Variants in PCCA observed in about 807,000 individuals in gnomAD.
PCCA encodes the protein propionyl-CoA carboxylase alpha chain, mitochondrial.
A neutral mutation model predicts 101.3 loss-of-function variants in PCCA; 74 were observed. The observed-to-expected ratio is 0.73, with a 90% CI of 0.61 to 0.89. The LOEUF (loss-of-function observed/expected upper bound fraction) is 0.89. PCCA is among the 40% of genes least tolerant of loss of function. PCCA has a pLI of 0.00. For synonymous variants in PCCA, 294 were observed against 313.6 expected, an observed-to-expected ratio of 0.94 and a Z score of 0.66; for missense variants, 891 against 907.0, an observed-to-expected ratio of 0.98 and a Z score of 0.23.
intron 12 of PCCA, among the ~76,000 whole-genome samples, chr13:100,297,846 A>G (rs552448934): frequency 1.3e-5 from 2 of 152,316 alleles, no homozygotes; most frequent in South Asian, 4.1e-4. Context: ...AGCTAGGGAT[A>G]TAACCAATAC....
At chr13:100,347,162 A>T (rs1290122478) in intron 18 of PCCA, among the ~76,000 whole-genome samples, 2 of 152,240 alleles carry the variant, frequency 1.3e-5, no homozygotes, top group Non-Finnish European at 2.9e-5. Context: ...GGTGTTAGCC[A>T]CCACGCCAGC....
intron 22 of PCCA, among the ~76,000 whole-genome samples, chr13:100,524,436 A>G (rs1594140331): frequency 1.3e-5 from 2 of 148,196 alleles, no homozygotes; most frequent in Admixed American, 6.8e-5. Flanking sequence ...GTTTCTGTTG[A>G]GCAAGATGTA....
At chr13:100,366,037 G>GGTT in intron 18 of PCCA, among the ~76,000 whole-genome samples, 2 of 152,172 alleles carry the variant, frequency 1.3e-5, no homozygotes, top group Non-Finnish European at 2.9e-5. Context: ...TTAAGGCATT[G>GGTT]AATGGTAGTT....
chr13:100,363,490 C>T (rs771623912), intron 18 of PCCA, among the ~76,000 whole-genome samples: 4 of 152,112 alleles, frequency 2.6e-5, no homozygotes, highest in Admixed American at 6.5e-5. Context: ...ATCTTTTCAC[C>T]GTGCTGGAAA....
chr13:100,139,156 G>C (rs1361326152), intron 4 of PCCA, among the ~76,000 whole-genome samples: 6 of 151,470 alleles, frequency 4.0e-5, no homozygotes, highest in African/African-American at 1.5e-4. Context: ...GTTTTTCTTT[G>C]TTTACTTTCA....
intron 18 of PCCA, among the ~76,000 whole-genome samples, chr13:100,348,971 C>T (rs1286975034): frequency 4.1e-5 from 3 of 72,620 alleles, no homozygotes; most frequent in East Asian, 6.4e-4. Flanking sequence ...TTTCCTCAGT[C>T]TTGCTCTCTC....
chr13:100,376,629 A>G (rs2075919259), intron 19 of PCCA, among the ~76,000 whole-genome samples: 1 of 152,158 alleles, frequency 6.6e-6, no homozygotes, highest in Admixed American at 6.5e-5. Context: ...TCTGAGGGGA[A>G]AACCACCTAC....
rs912110370 is a variant in PCCA, at chr13:100,150,503, A to AG, written c.301-4475dup. 3.0e-5 allele frequency: 39 copies of AG among 1,312,802 alleles called. No individual in the cohort carries two copies. In the South Asian group the frequency reaches 3.4e-4, roughly 11 times the overall value. The allele number at this position is 1,312,802 out of a possible 1,614,324, so 81.3% of individuals were successfully genotyped here. A position where few individuals can be genotyped will look rare whatever the true frequency, so the allele number is the denominator to read the frequency against. On this transcript the variant is annotated intron_variant, in intron 4 of 23. Coordinates refer to ENST00000376285, the MANE Select transcript of PCCA (RefSeq NM_000282.4). ...ATATTAGCGGTAACGGTGGAGCGGG[A>AG]GAGTATTGCGCCTTCTCCAAGCTCC...
intron 19 of PCCA, among the ~76,000 whole-genome samples, chr13:100,420,417 A>G (rs1309924658): frequency 2.6e-5 from 4 of 152,086 alleles, no homozygotes; most frequent in Admixed American, 2.6e-4. Context: ...TCCAAAATAA[A>G]TTAATAAATA....
At chr13:100,170,587 A>G (rs1048394584) in intron 6 of PCCA, among the ~76,000 whole-genome samples, 4 of 152,144 alleles carry the variant, frequency 2.6e-5, no homozygotes, top group African/African-American at 7.2e-5. Flanking sequence ...CAACCTACCT[A>G]TGGTGTAGCG....
chr13:100,160,875 TA>T (rs1190162120), intron 6 of PCCA: 1 of 152,262 alleles, frequency 6.6e-6, no homozygotes, highest in Non-Finnish European at 1.5e-5. Context: ...TTAATCATAT[TA>T]TCATACCTTG....
intron 6 of PCCA, among the ~76,000 whole-genome samples, chr13:100,204,901 C>T (rs755108254): frequency 6.6e-6 from 1 of 152,118 alleles, no homozygotes; most frequent in South Asian, 2.1e-4. Context: ...TCAAGAGATA[C>T]TCCTGGCTCA....
intron 4 of PCCA, among the ~76,000 whole-genome samples, chr13:100,136,988 T>G (rs2051260227): frequency 6.6e-6 from 1 of 151,988 alleles, no homozygotes; most frequent in African/African-American, 2.4e-5. Flanking sequence ...ATTATTGATT[T>G]GAGATATATC....
chr13:100,127,211 C>T, intron 4 of PCCA, among the ~76,000 whole-genome samples: 1 of 152,068 alleles, frequency 6.6e-6, no homozygotes, highest in East Asian at 1.9e-4. Context: ...GTTCATGTAC[C>T]TTGCTATTTA....
chr13:100,148,045 G>A (rs1189385761), intron 4 of PCCA, among the ~76,000 whole-genome samples: 4 of 152,022 alleles, frequency 2.6e-5, no homozygotes, highest in African/African-American at 9.7e-5. Context: ...AGCCTCCTAA[G>A]CCGTGGGGAC....
chr13:100,117,549 C>A (rs1016663985), intron 4 of PCCA, among the ~76,000 whole-genome samples: 11 of 151,640 alleles, frequency 7.3e-5, no homozygotes, highest in Non-Finnish European at 1.3e-4. Flanking sequence ...TGCACGTTCT[C>A]ACTCATAGGT....
At chr13:100,353,844 T>C (rs1408476782) in intron 18 of PCCA, among the ~76,000 whole-genome samples, 1 of 151,960 alleles carries the variant, frequency 6.6e-6, no homozygotes, top group African/African-American at 2.4e-5. Context: ...TCCTTGCTAC[T>C]TGGGAGGCTG....
intron 6 of PCCA, among the ~76,000 whole-genome samples, chr13:100,206,763 T>C (rs2058879386): frequency 6.6e-6 from 1 of 152,162 alleles, no homozygotes; most frequent in African/African-American, 2.4e-5. Context: ...CTCTCTTCCC[T>C]GAAGCAGGTC....
rs529359923 is a variant in PCCA at position 100,521,367 on chromosome 13, C to T, written c.2040+5800C>T. ...CGGGTGGCCCCTGGGTTCCCGCGCC[C>T]TCCAGAGTGAGGCCGCTCGTGCATG... On this transcript the variant is annotated intron_variant, in intron 22 of 23. Coordinates refer to ENST00000376285, the MANE Select transcript of PCCA (RefSeq NM_000282.4). Among the ~76,000 whole-genome samples, 54 of 152,318 alleles carry T rather than the reference C, an allele frequency of 3.5e-4. 1 individual carries two copies. The highest frequency in any genetic ancestry group is 1.9e-3 in the South Asian group (9 of 4,832).
Sources: allele counts gnomAD v4.1 joint callset (sites outside exome capture counted in the v4.1 genomes callset), GRCh38; gene constraint gnomAD v4.1.1; transcripts MANE v1.5; gene names NCBI Gene and HGNC (gene_info 2026-07-23, HGNC 2026-07-21).